RARB: variants seen among roughly 807,000 people sequenced by gnomAD.
RARB encodes the protein retinoic acid receptor beta.
RARB carries 17 observed loss-of-function variants against 51.9 expected under a neutral mutation model. That is an observed-to-expected ratio of 0.33 (90% CI 0.22 to 0.49). The LOEUF is 0.49. RARB is among the 20% of genes least tolerant of loss of function. The pLI, the probability that RARB is intolerant of heterozygous loss-of-function variation, is 0.99. For synonymous variants in RARB, 215 were observed against 195.4 expected (o/e 1.10, Z -0.84); for missense variants, 369 against 550.8 (o/e 0.67, Z 3.30).
intron 2 of RARB, among the ~76,000 whole-genome samples, chr3:24,961,622 G>C (rs1248524358): frequency 6.6e-6 from 1 of 150,834 alleles, no homozygotes; most frequent in Admixed American, 6.6e-5. Context: ...ACACTGTGGG[G>C]AGGGAGGGCG....
At chr3:25,294,786 CTG>C (rs1367326723) in intron 5 of RARB, among the ~76,000 whole-genome samples, 1 of 149,514 alleles carries the variant, frequency 6.7e-6, no homozygotes, top group Non-Finnish European at 1.5e-5. Context: ...CCTACTGTTT[CTG>C]TAAAAGAAGA....
intron 4 of RARB, among the ~76,000 whole-genome samples, chr3:25,571,035 A>G (rs1700688559): frequency 6.6e-6 from 1 of 152,062 alleles, no homozygotes; most frequent in African/African-American, 2.4e-5. Flanking sequence ...TATCTGTAAC[A>G]CAATAATGGT....
intron 3 of RARB, among the ~76,000 whole-genome samples, chr3:25,087,267 G>A (rs1699121206): frequency 6.6e-6 from 1 of 152,118 alleles, no homozygotes; most frequent in African/African-American, 2.4e-5. Flanking sequence ...ATTTACTTTA[G>A]CATGCCCTTG....
chr3:25,357,038 G>A (rs1705764406), intron 5 of RARB, among the ~76,000 whole-genome samples: 1 of 152,128 alleles, frequency 6.6e-6, no homozygotes, highest in African/African-American at 2.4e-5. Flanking sequence ...CTACTAATGA[G>A]ATTGCTGGGT....
At chr3:25,277,037 A>C (rs1450757192) in intron 5 of RARB, among the ~76,000 whole-genome samples, 2 of 152,202 alleles carry the variant, frequency 1.3e-5, no homozygotes, top group African/African-American at 4.8e-5. Flanking sequence ...AGAAATAGGA[A>C]TGAGGAGTAT....
intron 5 of RARB, among the ~76,000 whole-genome samples, chr3:25,409,153 C>A (rs910177430): frequency 6.6e-6 from 1 of 152,188 alleles, no homozygotes; most frequent in South Asian, 2.1e-4. Flanking sequence ...GACCTAAGCC[C>A]ATTGCCATGA....
At chr3:25,460,358 C>T (rs1042860607) in intron 1 of RARB, among the ~76,000 whole-genome samples, 1 of 151,986 alleles carries the variant, frequency 6.6e-6, no homozygotes, top group Admixed American at 6.6e-5. Context: ...TGCTAAAGAC[C>T]CTCCCAGTAC....
At chr3:24,883,937 ATTC>A (rs1394614713) in intron 2 of RARB, among the ~76,000 whole-genome samples, 1 of 152,164 alleles carries the variant, frequency 6.6e-6, no homozygotes, top group African/African-American at 2.4e-5. Flanking sequence ...AATTTTCATT[ATTC>A]TTACCAGCAA....
At chr3:25,529,294 T>C (rs1386369000) in intron 3 of RARB, among the ~76,000 whole-genome samples, 1 of 152,002 alleles carries the variant, frequency 6.6e-6, no homozygotes, top group Non-Finnish European at 1.5e-5. Flanking sequence ...TGTACAAGAA[T>C]GTTCCTAGCA....
upstream of RARB, among the ~76,000 whole-genome samples, chr3:25,425,489 G>A (rs1283915692): frequency 6.6e-6 from 1 of 152,086 alleles, no homozygotes; most frequent in African/African-American, 2.4e-5. Context: ...TTCATGATGA[G>A]GAATGATTAA....
intron 7 of RARB, 41 bp from the exon 8 acceptor site, chr3:25,596,379 C>A: frequency 6.6e-7 from 1 of 1,509,036 alleles, no homozygotes. Flanking sequence ...CATAGCTTAA[C>A]TCCTTATCTT....
chr3:25,074,130 A>G (rs1337865776), intron 3 of RARB, among the ~76,000 whole-genome samples: 1 of 152,238 alleles, frequency 6.6e-6, no homozygotes, highest in African/African-American at 2.4e-5. Context: ...CAGGGATCAA[A>G]TTAAAGTGTA....
At chr3:25,138,497 C>T (rs142775079) in intron 4 of RARB, among the ~76,000 whole-genome samples, 122 of 152,102 alleles carry the variant, frequency 8.0e-4, no homozygotes, top group African/African-American at 2.8e-3. Flanking sequence ...TTGCCTTTTA[C>T]TGTTTCTATT....
chr3:25,243,272 C>T (rs1236001226), intron 5 of RARB, among the ~76,000 whole-genome samples: 2 of 152,162 alleles, frequency 1.3e-5, no homozygotes, highest in Non-Finnish European at 2.9e-5. Context: ...AATTTGACTT[C>T]CTCTCTTCCT....
chr3:25,339,253 C>T (rs1705151307), intron 5 of RARB, among the ~76,000 whole-genome samples: 1 of 152,154 alleles, frequency 6.6e-6, no homozygotes, highest in Non-Finnish European at 1.5e-5. Context: ...TTAAGTTTGG[C>T]CTGAAGGTTT....
chr3:25,507,310 T>C (rs58532147), intron 3 of RARB, among the ~76,000 whole-genome samples: 3,175 of 151,294 alleles, frequency 0.021, 125 homozygotes, highest in African/African-American at 0.073. Context: ...TCCCTGGCTT[T>C]ACTTTCTGAA....
At chr3:25,170,204 T>C (rs952832105) in intron 4 of RARB, among the ~76,000 whole-genome samples, 2 of 152,068 alleles carry the variant, frequency 1.3e-5, no homozygotes, top group African/African-American at 4.8e-5. Context: ...ATTTATGGAT[T>C]CTCTGTGGCT....
chr3:25,022,559 A>T (rs186095416), intron 2 of RARB, among the ~76,000 whole-genome samples: 1 of 152,342 alleles, frequency 6.6e-6, no homozygotes, highest in South Asian at 2.1e-4. Flanking sequence ...TTTACTGGCA[A>T]TGCAAGAGCA....
At chr3:25,166,349 G>A (rs927516991) in intron 4 of RARB, among the ~76,000 whole-genome samples, 1 of 152,166 alleles carries the variant, frequency 6.6e-6, no homozygotes, top group African/African-American at 2.4e-5. Flanking sequence ...GACAGGATTT[G>A]TGCTGAGCCT....
Sources: gnomAD v4.1 joint callset for allele counts (sites outside exome capture counted in the v4.1 genomes callset) on GRCh38, gnomAD v4.1.1 for gene constraint, MANE v1.5 for transcripts, NCBI Gene and HGNC (gene_info 2026-07-23, HGNC 2026-07-21) for gene names.